Variants in PTPN13 observed in about 807,000 individuals in gnomAD.
The protein encoded by PTPN13 is tyrosine-protein phosphatase non-receptor type 13.
In PTPN13, 191 loss-of-function variants were observed where a neutral mutation model predicts 284.0. The ratio of observed to expected loss-of-function variants is 0.67; its 90% CI spans 0.60 to 0.76. The LOEUF (loss-of-function observed/expected upper bound fraction) is 0.76. Among genes scored for constraint, PTPN13 ranks in the 30% least tolerant of loss-of-function variants. PTPN13 has a pLI of 0.00. For synonymous variants in PTPN13, 986 were observed against 1,022.3 expected, an observed-to-expected ratio of 0.96 and a Z score of 0.68; for missense variants, 2,797 against 2,939.9, an observed-to-expected ratio of 0.95 and a Z score of 1.12.
chr4:86,783,477 A>G (rs1416924831), intron 37 of PTPN13, among the ~76,000 whole-genome samples: 1 of 152,148 alleles, frequency 6.6e-6, no homozygotes, highest in African/African-American at 2.4e-5. Context: ...ATAAAACCCT[A>G]GAAACCAGGA....
At chr4:86,627,648 T>TA (rs1301356784) in intron 1 of PTPN13, among the ~76,000 whole-genome samples, 1 of 152,104 alleles carries the variant, frequency 6.6e-6, no homozygotes, top group Non-Finnish European at 1.5e-5. Flanking sequence ...ATAATGGACA[T>TA]ATTTATGACC....
chr4:86,629,396 AG>A (rs1228446863), intron 1 of PTPN13, among the ~76,000 whole-genome samples: 1 of 150,490 alleles, frequency 6.6e-6, no homozygotes, highest in Non-Finnish European at 1.5e-5. Context: ...AACCACTATG[AG>A]ATATCATCTC....
intron 41 of PTPN13, 74 bp from the exon 42 acceptor site, chr4:86,799,027 A>C: frequency 2.3e-6 from 2 of 878,666 alleles, no homozygotes; most frequent in Admixed American, 3.0e-5. Context: ...AATTGTAGAG[A>C]AAATCATTCA....
chr4:86,715,171 C>T (rs1291172023), intron 7 of PTPN13, among the ~76,000 whole-genome samples: 3 of 151,838 alleles, frequency 2.0e-5, no homozygotes, highest in Non-Finnish European at 4.4e-5. Flanking sequence ...AGGCTTTTAC[C>T]TGAATTGAGT....
rs754227673 is a variant in PTPN13, at chr4:86,775,538, A to G, written c.5777A>G (p.Gln1926Arg). 4 of 1,613,528 alleles carry G rather than the reference A, an allele frequency of 2.5e-6. No individual in the cohort carries two copies. The highest frequency in any genetic ancestry group is 3.4e-6 in the Non-Finnish European group (4 of 1,179,566). Reference protein sequence around the residue: ...RSVAAIEGNLQLLDVIHYVNG... With the variant: ...RSVAAIEGNLRLLDVIHYVNG... ...GTCGCAGCCATTGAGGGTAATCTCC[A>G]GCTATTAGATGTCATCCATTATGTG... The change falls in exon 35 of 48, where the codon CAG (glutamine) becomes CGG (arginine). Residue 1926 changes from glutamine to arginine, a missense_variant. Transcript: ENST00000411767.
At chr4:86,626,876 A>G (rs1191903067) in intron 1 of PTPN13, among the ~76,000 whole-genome samples, 3 of 152,142 alleles carry the variant, frequency 2.0e-5, no homozygotes, top group Non-Finnish European at 4.4e-5. Context: ...AAATAATTCA[A>G]AGCAGGATCT....
At chr4:86,810,082 T>C (rs1321672381) in intron 46 of PTPN13, 98 bp downstream of exon 46, 14 of 874,446 alleles carry the variant, frequency 1.6e-5, no homozygotes, top group East Asian at 2.8e-5. Flanking sequence ...TTTTAACTTA[T>C]GAGTTTATAT....
chr4:86,781,090 T>A (rs1342688542), intron 36 of PTPN13, among the ~76,000 whole-genome samples: 12 of 152,280 alleles, frequency 7.9e-5, no homozygotes, highest in African/African-American at 2.6e-4. Context: ...TTTAATAATA[T>A]TTTTCTTGCA....
At chr4:86,718,695 C>A (rs1383893646) in intron 9 of PTPN13, among the ~76,000 whole-genome samples, 1 of 152,188 alleles carries the variant, frequency 6.6e-6, no homozygotes, top group Non-Finnish European at 1.5e-5. Context: ...AAGTTATCCA[C>A]CCACCTCAGC....
In PTPN13 at chr4:86,774,392, C is replaced by A. The variant is rs776935927; in HGVS notation, c.5369C>A (p.Thr1790Asn). The A allele has an allele frequency of 1.9e-6, 3 of 1,606,746 alleles. No homozygotes were observed. The highest frequency in any genetic ancestry group is 2.2e-5 in the East Asian group (1 of 44,768). The part of the protein sequence containing the change: ...DFELEVELLI[T>N]LIKSEKGSLG... ...CCTTAGGAAGTAGAACTCCTCATTA[C>A]CCTAATTAAATCAGAAAAAGGAAGC... The change falls in exon 33 of 48, where the codon ACC becomes AAC. Residue 1790 changes from threonine (T) to asparagine (N), a missense_variant. Thr to Asn is a moderately conservative substitution (Grantham distance 65). Coordinates refer to ENST00000411767, the MANE Select transcript of PTPN13 (RefSeq NM_080683.3).
Position 86,686,756 on chromosome 4 carries a change from A to T in PTPN13, c.341A>T (p.Tyr114Phe), listed in dbSNP as rs1010393580. ...LGMTLYWGAD[Y>F]EVPQSQPIKL... The stretch of plus-strand genomic sequence containing the variant: ...ATGACACTGTATTGGGGGGCTGATT[A>T]TGAAGTGCCTCAGAGCCAAGTAAGT... Residue 114 changes from tyrosine to phenylalanine, a missense_variant, in exon 4 of 48, where the codon TAT becomes TTT. Transcript: ENST00000411767. 1.9e-6 allele frequency: 3 copies of T among 1,581,586 alleles called. No homozygotes were observed. The highest frequency in any genetic ancestry group is 2.6e-6 in the Non-Finnish European group (3 of 1,163,046).
chr4:86,781,004 T>C (rs1741236455), intron 36 of PTPN13, among the ~76,000 whole-genome samples: 1 of 152,218 alleles, frequency 6.6e-6, no homozygotes, highest in Non-Finnish European at 1.5e-5. Context: ...ACAACTATTA[T>C]GTTTCATACT....
chr4:86,657,881 G>T (rs1208791639), intron 2 of PTPN13, among the ~76,000 whole-genome samples: 2 of 152,172 alleles, frequency 1.3e-5, no homozygotes, highest in Non-Finnish European at 2.9e-5. Flanking sequence ...CCACATAGAA[G>T]ATGTCTCCCC....
At chr4:86,639,415 T>G (rs999624420) in intron 2 of PTPN13, among the ~76,000 whole-genome samples, 1 of 152,132 alleles carries the variant, frequency 6.6e-6, no homozygotes, top group African/African-American at 2.4e-5. Flanking sequence ...TAGCAAAGAC[T>G]TGGAACCAAG....
At chr4:86,649,498 A>G (rs1361587667) in intron 2 of PTPN13, among the ~76,000 whole-genome samples, 1 of 152,098 alleles carries the variant, frequency 6.6e-6, no homozygotes, top group African/African-American at 2.4e-5. Context: ...TTTCTCCAAT[A>G]TATGTTCCTG....
chr4:86,735,256 A>G (rs1735369435), intron 14 of PTPN13, among the ~76,000 whole-genome samples: 1 of 152,184 alleles, frequency 6.6e-6, no homozygotes, highest in African/African-American at 2.4e-5. Context: ...CAGTATACTT[A>G]AAGCCTGATG....
Position 86,763,108 on chromosome 4 carries a change from T to C in PTPN13, c.3935T>C (p.Val1312Ala). 1 of 1,613,650 alleles carries C rather than the reference T, an allele frequency of 6.2e-7. No homozygotes were observed. ...SKTKKPGISD[V>A]TDYSDRGDSD... is the part of the protein sequence containing the mutation. ...ACTAAAAAGCCAGGCATTTCTGATG[T>C]AACTGATTACTCAGACCGTGGAGAT... The change falls in exon 24 of 48, where the codon GTA becomes GCA. Residue 1312 changes from valine (V) to alanine (A), a missense_variant. Coordinates refer to ENST00000411767, the MANE Select transcript of PTPN13 (RefSeq NM_080683.3).
intron 7 of PTPN13, among the ~76,000 whole-genome samples, chr4:86,705,386 G>A (rs1296013716): frequency 1.4e-5 from 2 of 145,752 alleles, no homozygotes; most frequent in Admixed American, 6.8e-5. Context: ...TTAATATGAA[G>A]ATTTTAGCTA....
chr4:86,779,417 C>CA (rs59094100), intron 35 of PTPN13, among the ~76,000 whole-genome samples: 14,633 of 122,356 alleles, frequency 0.12, 864 homozygotes, highest in African/African-American at 0.13. Flanking sequence ...ACTCCGTCTC[C>CA]AAAAAAAAAA....
Sources: gnomAD v4.1 joint callset for allele counts (sites outside exome capture counted in the v4.1 genomes callset) on GRCh38, gnomAD v4.1.1 for gene constraint, MANE v1.5 for transcripts, NCBI Gene and HGNC (gene_info 2026-07-23, HGNC 2026-07-21) for gene names.